IRAK3: variants seen among roughly 807,000 people sequenced by gnomAD.
The protein encoded by IRAK3 is interleukin 1 receptor associated kinase 3, also known as interleukin-1 receptor-associated kinase 3.
Under a neutral mutation model 56.6 loss-of-function variants are expected in IRAK3, and 57 were observed. The observed-to-expected ratio is 1.01, with a 90% CI of 0.81 to 1.26. The LOEUF is 1.26. Ranked by LOEUF, IRAK3 falls within the 50% of genes most tolerant of loss-of-function variation. IRAK3 has a pLI of 0.00. For missense variants in IRAK3, 703 were observed against 719.0 expected (o/e 0.98, Z 0.25); for synonymous variants, 258 against 255.7 (o/e 1.01, Z -0.09).
At chr12:66,216,829 T>C (rs946634081) in intron 5 of IRAK3, among the ~76,000 whole-genome samples, 2 of 152,220 alleles carry the variant, frequency 1.3e-5, no homozygotes, top group Non-Finnish European at 2.9e-5. Context: ...TTGGATTCTT[T>C]ATAAGATCAA....
intron 8 of IRAK3, chr12:66,234,569 C>G: frequency 6.2e-7 from 1 of 1,611,820 alleles, no homozygotes; most frequent in Non-Finnish European, 8.5e-7. Flanking sequence ...ATGCCATGGT[C>G]TTCCATTAGG....
At chr12:66,212,090 G>A (rs961695595) in intron 5 of IRAK3, among the ~76,000 whole-genome samples, 1 of 135,174 alleles carries the variant, frequency 7.4e-6, no homozygotes, top group East Asian at 2.1e-4. Flanking sequence ...CAGCCTGGGT[G>A]ATAAAGTGAG....
chr12:66,246,677 CATCT>C (rs2053036432), intron 11 of IRAK3, among the ~76,000 whole-genome samples: 1 of 152,182 alleles, frequency 6.6e-6, no homozygotes, highest in Admixed American at 6.5e-5. Context: ...CAGGCTTTAT[CATCT>C]ATAAAATGAG....
intron 6 of IRAK3, among the ~76,000 whole-genome samples, chr12:66,217,495 G>C (rs2052689166): frequency 6.6e-6 from 1 of 152,148 alleles, no homozygotes; most frequent in African/African-American, 2.4e-5. Context: ...GACTAACATG[G>C]CTGAATAGTA....
intron 1 of IRAK3, among the ~76,000 whole-genome samples, chr12:66,198,996 G>A (rs530448862): frequency 1.4e-3 from 220 of 152,180 alleles, no homozygotes; most frequent in African/African-American, 5.0e-3. Flanking sequence ...GGGCTCAAGC[G>A]ATGCTCTTGC....
chr12:66,193,822 G>T (rs949036369), intron 1 of IRAK3, among the ~76,000 whole-genome samples: 6 of 152,178 alleles, frequency 3.9e-5, no homozygotes, highest in African/African-American at 1.4e-4. Flanking sequence ...GGCTGAGATG[G>T]CATCTGTCAG....
At position 66,189,236 on chromosome 12, in the gene IRAK3, G is replaced by A. The variant is rs2136906796; in HGVS notation, c.-64G>A. On this transcript the variant is annotated 5_prime_UTR_variant, in exon 1 of 12. Coordinates refer to ENST00000261233, the MANE Select transcript of IRAK3 (RefSeq NM_007199.3). Reference sequence around the variant, plus strand: ...AGCAGGATTTCCGCGGTTGTGTAACGGCCTGTCGCAGGCGTGCAGGGACCT... The same window carrying A: ...AGCAGGATTTCCGCGGTTGTGTAACAGCCTGTCGCAGGCGTGCAGGGACCT... 2 of 1,524,890 alleles carry A rather than the reference G, an allele frequency of 1.3e-6. No homozygotes were observed. Among genetic ancestry groups the A allele is most frequent in the South Asian group, 2.4e-5 (2 of 83,754 alleles). The allele number at this position is 1,524,890 out of a possible 1,614,324, so 94.5% of individuals were successfully genotyped here. A position where few individuals can be genotyped will look rare whatever the true frequency, so the allele number is the denominator to read the frequency against.
chr12:66,223,950 A>G (rs2052761413), intron 6 of IRAK3, among the ~76,000 whole-genome samples: 1 of 151,992 alleles, frequency 6.6e-6, no homozygotes. Flanking sequence ...TGTCTGATCC[A>G]TTTATTTGTC....
chr12:66,228,463 C>A, intron 8 of IRAK3, 93 bp downstream of exon 8: 1 of 867,126 alleles, frequency 1.2e-6, no homozygotes, highest in Non-Finnish European at 2.0e-6. Flanking sequence ...TGTAGTTCTC[C>A]TGGTATGTAT....
chr12:66,215,788 A>ACGTGCACGTGTGCGCGCGCG (rs375264640), intron 5 of IRAK3, among the ~76,000 whole-genome samples: 1 of 131,612 alleles, frequency 7.6e-6, no homozygotes, highest in Non-Finnish European at 1.7e-5. Flanking sequence ...CCCAACATGC[A>ACGTGCACGTGTGCGCGCGCG]CACACACACA....
chr12:66,235,280 A>T, intron 8 of IRAK3: 4 of 1,511,740 alleles, frequency 2.6e-6, no homozygotes, highest in Middle Eastern at 2.3e-4. Flanking sequence ...GCTGCTGGGG[A>T]AGATCATCGC....
Position 66,211,447 on chromosome 12 carries a change from A to G in IRAK3, c.438A>G (p.Gly146=). 6.3e-7 allele frequency: 1 copy of G among 1,589,356 alleles called. No homozygotes were observed. Among genetic ancestry groups the G allele is most frequent in the East Asian group, 2.2e-5 (1 of 44,718 alleles). The change falls in exon 5 of 12, where the codon GGA becomes GGG. Residue 146 remains glycine (G), a splice_region_variant and synonymous_variant. Transcript: ENST00000261233. The part of the protein sequence containing the change: ...NVLIPEHNEK[G]ILLKSSISFQ... ...CTTCCCCCTACTTTCCTTCCTAAGG[A>G]ATACTGCTTAAATCTTCCATCAGCT... is the stretch of plus-strand genomic sequence containing the variant.
At position 66,189,226 on chromosome 12, in the gene IRAK3, G is replaced by A. The variant is rs1391430450; in HGVS notation, c.-74G>A. On this transcript the variant is annotated 5_prime_UTR_variant, in exon 1 of 12. Transcript: ENST00000261233. Reference sequence around the variant, plus strand: ...CCGTCGTGGAAGCAGGATTTCCGCGGTTGTGTAACGGCCTGTCGCAGGCGT... The same window carrying A: ...CCGTCGTGGAAGCAGGATTTCCGCGATTGTGTAACGGCCTGTCGCAGGCGT... 2.5e-5 allele frequency: 38 copies of A among 1,516,272 alleles called. No individual in the cohort carries two copies. The highest frequency in any genetic ancestry group is 3.4e-5 in the Non-Finnish European group (38 of 1,132,728). The allele number at this position is 1,516,272 out of a possible 1,614,324, so 93.9% of individuals were successfully genotyped here. A position where few individuals can be genotyped will look rare whatever the true frequency, so the allele number is the denominator to read the frequency against.
In IRAK3 at chr12:66,245,127, G is replaced by A; in HGVS notation, c.1179G>A (p.Lys393=). The change falls in exon 11 of 12, where the codon AAG becomes AAA. Residue 393 remains lysine, a synonymous_variant. Coordinates refer to ENST00000261233, the MANE Select transcript of IRAK3 (RefSeq NM_007199.3). The part of the protein sequence containing the change: ...LRDLLRELME[K]RGLDSCLSFL... Reference sequence around the variant, plus strand: ...ATCTCCTTAGAGAATTGATGGAGAAGAGAGGCCTGGATTCATGTCTCTCAT... The same window carrying A: ...ATCTCCTTAGAGAATTGATGGAGAAAAGAGGCCTGGATTCATGTCTCTCAT... The A allele has an allele frequency of 6.2e-7, 1 of 1,614,170 alleles. No homozygotes were observed. The highest frequency in any genetic ancestry group is 8.5e-7 in the Non-Finnish European group (1 of 1,180,018).
At chr12:66,198,629 T>G (rs1407951743) in intron 1 of IRAK3, among the ~76,000 whole-genome samples, 1 of 152,172 alleles carries the variant, frequency 6.6e-6, no homozygotes, top group Admixed American at 6.5e-5. Context: ...AGGAACGATT[T>G]TAGCTTACAA....
rs149662082 is a variant in IRAK3, at chr12:66,245,236, G to A, written c.1288G>A (p.Ala430Thr). Residue 430 changes from alanine (A) to threonine (T), a missense_variant, in exon 11 of 12, where the codon GCA becomes ACA. Transcript: ENST00000261233. Reference protein sequence around the residue: ...CLAGRCAATRAKLRPSMDEVL... With the variant: ...CLAGRCAATRTKLRPSMDEVL... ...GGCAGGCCGGTGTGCTGCAACGCGG[G>A]CAAAGTTAAGACCATCAATGGATGA... 1.1e-5 allele frequency: 18 copies of A among 1,614,122 alleles called. No individual in the cohort carries two copies. The highest frequency in any genetic ancestry group is 1.3e-5 in the Non-Finnish European group (15 of 1,180,026).
chr12:66,191,582 CCTGGACTACTGAG>C (rs1171065343), intron 1 of IRAK3, among the ~76,000 whole-genome samples: 1 of 152,182 alleles, frequency 6.6e-6, no homozygotes, highest in African/African-American at 2.4e-5. Flanking sequence ...CTACTGACTG[CCTGGACTACTGAG>C]CTGGCCCTGA....
At chr12:66,234,460 A>T in intron 8 of IRAK3, 1 of 1,611,418 alleles carries the variant, frequency 6.2e-7, no homozygotes, top group Non-Finnish European at 8.5e-7. Context: ...TTCGGTTTGT[A>T]GCAATACTGT....
At chr12:66,217,025 A>G (rs2052683539) in intron 5 of IRAK3, 146 bp from the exon 6 acceptor site, 1 of 701,656 alleles carries the variant, frequency 1.4e-6, no homozygotes. Flanking sequence ...AATCTGTTGA[A>G]AGCTAAATGT....
Sources: allele counts gnomAD v4.1 joint callset (sites outside exome capture counted in the v4.1 genomes callset), GRCh38; gene constraint gnomAD v4.1.1; transcripts MANE v1.5; gene names NCBI Gene and HGNC (gene_info 2026-07-23, HGNC 2026-07-21).